Variants in CNGB3 observed in about 807,000 individuals in gnomAD.
CNGB3 encodes cyclic nucleotide gated channel subunit beta 3.
A neutral mutation model predicts 92.8 loss-of-function variants in CNGB3; 86 were observed. The ratio of observed to expected loss-of-function variants is 0.93; its 90% CI spans 0.78 to 1.11. CNGB3 has a LOEUF of 1.11. Ranked by LOEUF, CNGB3 falls within the 50% of genes least tolerant of loss-of-function variation. The probability of loss-of-function intolerance (pLI) is 0.00; values close to 1 mark genes in which losing one functional copy is unlikely to be tolerated. For synonymous variants in CNGB3, 333 were observed against 332.7 expected, an observed-to-expected ratio of 1.00 and a Z score of -0.01; for missense variants, 1,026 against 956.8, an observed-to-expected ratio of 1.07 and a Z score of -0.95.
intron 3 of CNGB3, among the ~76,000 whole-genome samples, chr8:86,682,293 A>G (rs567252920): frequency 6.6e-6 from 1 of 152,306 alleles, no homozygotes; most frequent in South Asian, 2.1e-4. Flanking sequence ...GCATGACAGA[A>G]GGAAACACCT....
Position 86,647,904 on chromosome 8 carries a change from T to C in CNGB3, c.904-17A>G. ...GACATCCAACTGTTGAAAGAACACATTCACAAATATGTTGTGTTTACATGC... is the reference window on the plus strand; with the variant it reads ...GACATCCAACTGTTGAAAGAACACACTCACAAATATGTTGTGTTTACATGC... On this transcript the variant is annotated splice_polypyrimidine_tract_variant and intron_variant, in intron 7 of 17. Transcript: ENST00000320005. 1 of 1,438,702 alleles carries C rather than the reference T, an allele frequency of 7.0e-7. No homozygotes were observed. The highest frequency in any genetic ancestry group is 1.1e-5 in the South Asian group (1 of 87,270). The allele number at this position is 1,438,702 out of a possible 1,614,324, so 89.1% of individuals were successfully genotyped here.
intron 1 of CNGB3, 28 bp from the exon 2 acceptor site, chr8:86,739,764 G>A: frequency 1.2e-6 from 2 of 1,608,764 alleles, no homozygotes; most frequent in South Asian, 1.1e-5. Flanking sequence ...GAGATTGTAT[G>A]TGATGAATTT....
intron 3 of CNGB3, among the ~76,000 whole-genome samples, chr8:86,682,580 G>C (rs1203619868): frequency 1.3e-5 from 2 of 152,174 alleles, no homozygotes; most frequent in Non-Finnish European, 2.9e-5. Flanking sequence ...GATGAAAGCA[G>C]AAGTACATGA....
At chr8:86,727,009 A>G (rs887421572) in intron 2 of CNGB3, among the ~76,000 whole-genome samples, 2 of 152,200 alleles carry the variant, frequency 1.3e-5, no homozygotes, top group Admixed American at 6.5e-5. Context: ...GGTATACTCT[A>G]TGGATCCTAG....
At position 86,690,694 on chromosome 8, in the gene CNGB3, C is replaced by T. The variant is rs1824294734; in HGVS notation, c.339-19596G>A. On this transcript the variant is annotated intron_variant, in intron 3 of 17. Transcript: ENST00000320005. ...TTCTAGGGTTTTTATGGTTTTAGGT[C>T]TAACATGTAAGACTTTAATCCATCT... Among the ~76,000 whole-genome samples the T allele has an allele frequency of 2.0e-5, 3 of 151,862 alleles. No individual in the cohort carries two copies. The South Asian group carries it at 6.2e-4, about 32-fold the overall frequency.
intron 2 of CNGB3, among the ~76,000 whole-genome samples, chr8:86,735,357 G>GA (rs548366223): frequency 9.1e-4 from 138 of 151,690 alleles, no homozygotes; most frequent in African/African-American, 3.0e-3. Flanking sequence ...TTAGCCAGGA[G>GA]AAAAATGGTT....
At chr8:86,691,275 T>G (rs1824306363) in intron 3 of CNGB3, among the ~76,000 whole-genome samples, 1 of 152,164 alleles carries the variant, frequency 6.6e-6, no homozygotes, top group South Asian at 2.1e-4. Context: ...GCTTTTTGGA[T>G]GAGTGTTTAG....
At chr8:86,693,266 G>A (rs575877698) in intron 3 of CNGB3, among the ~76,000 whole-genome samples, 13 of 151,930 alleles carry the variant, frequency 8.6e-5, no homozygotes, top group Admixed American at 2.6e-4. Flanking sequence ...ATATTTGGAT[G>A]TCTAGATATT....
chr8:86,694,069 CG>C (rs71275873), intron 3 of CNGB3, among the ~76,000 whole-genome samples: 74,358 of 95,308 alleles, frequency 0.78, 26,984 homozygotes, highest in Middle Eastern at 0.81. Context: ...GCTGGCCGGG[CG>C]GGGGGGCTGA....
At position 86,735,521 on chromosome 8, in the gene CNGB3, G is replaced by A. The variant is rs557569020; in HGVS notation, c.211+4134C>T. ...GTCAGAAGTCTAAAACGTGTCTGACGGGCTGTGTTCCTCCTGGAAGCTCCA... is the reference window on the plus strand; with the variant it reads ...GTCAGAAGTCTAAAACGTGTCTGACAGGCTGTGTTCCTCCTGGAAGCTCCA... On this transcript the variant is annotated intron_variant, in intron 2 of 17. Transcript: ENST00000320005. Among the ~76,000 whole-genome samples, 8 of 152,084 alleles carry A rather than the reference G, an allele frequency of 5.3e-5. No individual in the cohort carries two copies. The South Asian group carries it at 1.5e-3, about 28-fold the overall frequency.
chr8:86,675,374 A>G (rs1425979354), intron 3 of CNGB3, among the ~76,000 whole-genome samples: 1 of 152,000 alleles, frequency 6.6e-6, no homozygotes, highest in Non-Finnish European at 1.5e-5. Flanking sequence ...TCCCCAGCCA[A>G]TTCTACAAAT....
In CNGB3 at chr8:86,659,621, G is replaced by A. The variant is rs185839925; in HGVS notation, c.853-5559C>T. 1.5e-3 allele frequency: 807 copies of A among 525,142 alleles called. 4 individuals carry two copies. The highest frequency in any genetic ancestry group is 6.2e-4 in the African/African-American group (32 of 51,212). 32.5% of individuals were successfully genotyped at this position (525,142 alleles called of 1,614,324 possible). On this transcript the variant is annotated intron_variant, in intron 6 of 17. Coordinates refer to ENST00000320005, the MANE Select transcript of CNGB3 (RefSeq NM_019098.5). ...AGCCCACTCCAACTCTCCCACACGCGCCAGGAATACTGCAGGCAGCTGGCC... is the reference window on the plus strand; with the variant it reads ...AGCCCACTCCAACTCTCCCACACGCACCAGGAATACTGCAGGCAGCTGGCC...
chr8:86,660,141 C>G (rs986407897), intron 6 of CNGB3: 2 of 303,660 alleles, frequency 6.6e-6, no homozygotes, highest in Non-Finnish European at 1.4e-5. Flanking sequence ...TGAATGGCAA[C>G]CACCAGAAGT....
At chr8:86,691,806 G>T (rs957974950) in intron 3 of CNGB3, among the ~76,000 whole-genome samples, 1 of 152,062 alleles carries the variant, frequency 6.6e-6, no homozygotes, top group African/African-American at 2.4e-5. Context: ...GCTCCTTGAG[G>T]TGTAACTTTA....
chr8:86,591,101 T>C (rs1332227301), intron 15 of CNGB3, among the ~76,000 whole-genome samples: 4 of 152,046 alleles, frequency 2.6e-5, no homozygotes, highest in Admixed American at 6.6e-5. Flanking sequence ...CATCTTCCAT[T>C]GCTGATACCC....
At chr8:86,692,380 ATGATT>A (rs1382299032) in intron 3 of CNGB3, among the ~76,000 whole-genome samples, 1 of 152,124 alleles carries the variant, frequency 6.6e-6, no homozygotes, top group Non-Finnish European at 1.5e-5. Flanking sequence ...AGGTCTATTA[ATGATT>A]GTTTTATAAG....
At chr8:86,615,322 C>T (rs1046215607) in intron 13 of CNGB3, among the ~76,000 whole-genome samples, 5 of 151,978 alleles carry the variant, frequency 3.3e-5, no homozygotes, top group African/African-American at 4.8e-5. Context: ...AACTACAGAT[C>T]GGCCGGGTGT....
chr8:86,741,824 A>T (rs898791391), intron 1 of CNGB3, among the ~76,000 whole-genome samples: 1 of 152,228 alleles, frequency 6.6e-6, no homozygotes, highest in Non-Finnish European at 1.5e-5. Context: ...GAAAGGAAAG[A>T]TAACTCTTTA....
chr8:86,649,289 C>T (rs1174988942), intron 7 of CNGB3, among the ~76,000 whole-genome samples: 1 of 151,312 alleles, frequency 6.6e-6, no homozygotes, highest in Non-Finnish European at 1.5e-5. Context: ...AAAATACCAA[C>T]TTTTTTTTCA....
Sources: gnomAD v4.1 joint callset for allele counts (sites outside exome capture counted in the v4.1 genomes callset) on GRCh38, gnomAD v4.1.1 for gene constraint, MANE v1.5 for transcripts, NCBI Gene and HGNC (gene_info 2026-07-23, HGNC 2026-07-21) for gene names.